Variants in XKR9 observed in about 807,000 individuals in gnomAD.
The protein encoded by XKR9 is XK related 9, also known as XK-related protein 9.
XKR9 carries 32 observed loss-of-function variants against 32.0 expected under a neutral mutation model. The ratio of observed to expected loss-of-function variants is 1.00; its 90% CI spans 0.76 to 1.34. The LOEUF is 1.34. Ranked by LOEUF, XKR9 falls within the 40% of genes most tolerant of loss-of-function variation. XKR9 has a pLI of 0.00. For synonymous variants in XKR9, 168 were observed against 143.4 expected, an observed-to-expected ratio of 1.17 and a Z score of -1.22; for missense variants, 546 against 429.7, an observed-to-expected ratio of 1.27 and a Z score of -2.39.
chr8:70,832,294 A>C, the XKR9 span, among the ~76,000 whole-genome samples: 1 of 152,308 alleles, frequency 6.6e-6, no homozygotes, highest in East Asian at 1.9e-4. Context: ...CTGGGCATTC[A>C]CGGGGTAGGG....
chr8:70,759,219 G>A (rs1216180367), intron 2 of XKR9, among the ~76,000 whole-genome samples: 3 of 152,182 alleles, frequency 2.0e-5, no homozygotes, highest in Admixed American at 1.3e-4. Flanking sequence ...AAGAATGCAA[G>A]CTTTTAATCA....
the XKR9 span, among the ~76,000 whole-genome samples, chr8:71,008,809 C>T: frequency 6.6e-6 from 1 of 151,904 alleles, no homozygotes; most frequent in Non-Finnish European, 1.5e-5. Context: ...CCTGAGACTA[C>T]ACCTGAGTGC....
the XKR9 span, among the ~76,000 whole-genome samples, chr8:70,849,550 AAAGAACTAGAG>A: frequency 6.6e-6 from 1 of 152,224 alleles, no homozygotes; most frequent in Non-Finnish European, 1.5e-5. Flanking sequence ...ATCACAATTA[AAAGAACTAGAG>A]AAGCAAGTGC....
the XKR9 span, among the ~76,000 whole-genome samples, chr8:71,054,600 A>C: frequency 6.6e-6 from 1 of 152,008 alleles, no homozygotes; most frequent in Non-Finnish European, 1.5e-5. Context: ...CATTTCCATT[A>C]CTCATGAGGC....
intron 3 of XKR9, among the ~76,000 whole-genome samples, chr8:70,690,762 T>C (rs1212954194): frequency 1.3e-5 from 2 of 152,158 alleles, no homozygotes; most frequent in East Asian, 3.8e-4. Flanking sequence ...CATGATCTGG[T>C]TTTTTTATGG....
At chr8:70,992,429 C>T in the XKR9 span, among the ~76,000 whole-genome samples, 2 of 152,026 alleles carry the variant, frequency 1.3e-5, no homozygotes, top group Non-Finnish European at 2.9e-5. Context: ...AGCGACCACT[C>T]ACCTTCTACC....
At chr8:70,739,207 C>G (rs1406705731), downstream of XKR9, among the ~76,000 whole-genome samples, 1 of 152,138 alleles carries the variant, frequency 6.6e-6, no homozygotes, top group Non-Finnish European at 1.5e-5. Flanking sequence ...GAATTGATCC[C>G]TTTACCATTA....
chr8:70,790,626 C>CT, downstream of XKR9, among the ~76,000 whole-genome samples: 1 of 152,128 alleles, frequency 6.6e-6, no homozygotes, highest in East Asian at 1.9e-4. Flanking sequence ...GGATGTTTGC[C>CT]TTTTTATATC....
At chr8:70,990,524 T>G in the XKR9 span, among the ~76,000 whole-genome samples, 23 of 152,248 alleles carry the variant, frequency 1.5e-4, no homozygotes, top group African/African-American at 5.3e-4. Flanking sequence ...ATATTTGTCA[T>G]TCTTAGCTAA....
chr8:70,927,681 G>A, the XKR9 span, among the ~76,000 whole-genome samples: 1 of 152,150 alleles, frequency 6.6e-6, no homozygotes, highest in Non-Finnish European at 1.5e-5. Context: ...GAACCCTCAT[G>A]ACTTAATCAC....
chr8:70,711,195 G>A (rs889338257), intron 4 of XKR9, among the ~76,000 whole-genome samples: 2 of 152,120 alleles, frequency 1.3e-5, no homozygotes, highest in Admixed American at 6.5e-5. Flanking sequence ...AATTAGTTCA[G>A]CCATTGTGGA....
chr8:70,718,695 C>T (rs528694530), intron 4 of XKR9, among the ~76,000 whole-genome samples: 1 of 152,136 alleles, frequency 6.6e-6, no homozygotes, highest in Non-Finnish European at 1.5e-5. Context: ...CATATATGGG[C>T]CACATTTTCT....
chr8:70,761,794 C>T (rs1048578617), intron 2 of XKR9, among the ~76,000 whole-genome samples: 3 of 152,148 alleles, frequency 2.0e-5, no homozygotes, highest in Non-Finnish European at 2.9e-5. Context: ...AATGGTATCG[C>T]CTAGGTTTTC....
rs182860751 is a variant in XKR9 at position 70,722,233 on chromosome 8, G to C, written c.494-11563G>C. On this transcript the variant is annotated intron_variant, in intron 4 of 4. Transcript: ENST00000408926. ...TCTCCTGAATATGGCACATGGATGG[G>C]TCTTGACTTTTTATCCAACTTGCCA... Among the ~76,000 whole-genome samples the C allele has an allele frequency of 4.0e-3, 602 of 152,092 alleles. 15 individuals carry two copies. Among genetic ancestry groups the C allele is most frequent in the Admixed American group, 0.037 (566 of 15,278 alleles).
Position 70,745,865 on chromosome 8 carries a change from T to G in XKR9, n.352+38712T>G, listed in dbSNP as rs1480900026. ...CAATTGTAAATCTTGTCCTTGTGAT[T>G]GTGGGGGTCAGAGATATATAATGCA... On this transcript the variant is annotated intron_variant and non_coding_transcript_variant, in intron 2 of 3. Transcript: ENST00000520273. Among the ~76,000 whole-genome samples the G allele has an allele frequency of 3.3e-5, 5 of 152,350 alleles. No individual in the cohort carries two copies. The East Asian group carries it at 9.6e-4, about 29-fold the overall frequency.
chr8:70,813,063 C>A, the XKR9 span, among the ~76,000 whole-genome samples: 1 of 152,194 alleles, frequency 6.6e-6, no homozygotes, highest in African/African-American at 2.4e-5. Flanking sequence ...CTACAGTAAC[C>A]AAAACAGCAT....
the XKR9 span, among the ~76,000 whole-genome samples, chr8:70,820,981 A>C: frequency 6.6e-6 from 1 of 152,154 alleles, no homozygotes; most frequent in Non-Finnish European, 1.5e-5. Context: ...ACAGTCCCCC[A>C]AAGTCTTAAT....
downstream of XKR9, among the ~76,000 whole-genome samples, chr8:70,791,419 C>G (rs1807762670): frequency 6.6e-6 from 1 of 151,844 alleles, no homozygotes; most frequent in African/African-American, 2.4e-5. Flanking sequence ...TATCTTTTTC[C>G]AAACCCATGT....
chr8:70,892,374 A>G, the XKR9 span, among the ~76,000 whole-genome samples: 1 of 152,050 alleles, frequency 6.6e-6, no homozygotes, highest in African/African-American at 2.4e-5. Flanking sequence ...TGGAGATTTT[A>G]TGCAGTGATA....
Sources: gnomAD v4.1 joint callset for allele counts (sites outside exome capture counted in the v4.1 genomes callset) on GRCh38, gnomAD v4.1.1 for gene constraint, MANE v1.5 for transcripts, NCBI Gene and HGNC (gene_info 2026-07-23, HGNC 2026-07-21) for gene names.